Variants in HTR2C observed in about 807,000 individuals in gnomAD.
HTR2C encodes 5-hydroxytryptamine (serotonin) receptor 2C, G protein-coupled.
A neutral mutation model predicts 21.0 loss-of-function variants in HTR2C; 5 were observed. The observed-to-expected ratio is 0.24, with a 90% CI of 0.12 to 0.50. The LOEUF is 0.50. Among genes scored for constraint, HTR2C ranks in the 20% least tolerant of loss-of-function variants. HTR2C has a pLI of 0.98. For missense variants in HTR2C, 271 were observed against 371.2 expected (o/e 0.73, Z 2.22); for synonymous variants, 150 against 145.3 (o/e 1.03, Z -0.23).
chrX:114,645,777 G>A (rs1297960876), intron 2 of HTR2C, among the ~76,000 whole-genome samples: 1 of 111,824 alleles, frequency 8.9e-6, no homozygotes, highest in African/African-American at 3.2e-5. Flanking sequence ...TATGAAAAAA[G>A]ATAAGATATG....
chrX:114,742,113 T>C (rs1556425425), intron 4 of HTR2C, among the ~76,000 whole-genome samples: 1 of 111,589 alleles, frequency 9.0e-6, no homozygotes, highest in Non-Finnish European at 1.9e-5. Context: ...AGAGCTTTGA[T>C]AGTATGAGCA....
intron 2 of HTR2C, among the ~76,000 whole-genome samples, chrX:114,659,829 A>G (rs1439364965): frequency 1.8e-5 from 2 of 111,501 alleles, no homozygotes; most frequent in Non-Finnish European, 3.8e-5. Flanking sequence ...TAATTTCCTC[A>G]TTTTGATCAT....
chrX:114,610,779 T>C (rs1040364836), intron 1 of HTR2C, among the ~76,000 whole-genome samples: 1 of 109,865 alleles, frequency 9.1e-6, no homozygotes, highest in East Asian at 2.8e-4. Context: ...AATCATAAAA[T>C]GTATCTCAAA....
chrX:114,847,577 TAAAGTA>T (rs1157470336), intron 4 of HTR2C, among the ~76,000 whole-genome samples: 5 of 77,588 alleles, frequency 6.4e-5, no homozygotes, highest in Non-Finnish European at 1.3e-4. Flanking sequence ...CCCTAAAACT[TAAAGTA>T]TAATAATAAT....
At chrX:114,830,431 G>A (rs2070711891) in intron 4 of HTR2C, among the ~76,000 whole-genome samples, 1 of 110,693 alleles carries the variant, frequency 9.0e-6, no homozygotes, top group African/African-American at 3.3e-5. Flanking sequence ...TTATTGTCTT[G>A]CCCAATTAGT....
At chrX:114,853,486 T>A (rs2070936213) in intron 5 of HTR2C, among the ~76,000 whole-genome samples, 1 of 111,822 alleles carries the variant, frequency 8.9e-6, no homozygotes, top group Admixed American at 9.5e-5. Context: ...CATTTTTACA[T>A]TTAGACCTCT....
rs192313665 is a variant in HTR2C, at chrX:114,806,184, A to G, written c.350-41819A>G. Among the ~76,000 whole-genome samples the G allele has an allele frequency of 3.1e-3, 314 of 100,275 alleles. 2 individuals carry two copies. In the East Asian group the frequency reaches 0.045, roughly 14 times the overall value. 87.1% of individuals were successfully genotyped at this position (100,275 alleles called of 115,157 possible). A position where few individuals can be genotyped will look rare whatever the true frequency, so the allele number is the denominator to read the frequency against. On this transcript the variant is annotated intron_variant, in intron 4 of 5. Coordinates refer to ENST00000276198, the MANE Select transcript of HTR2C (RefSeq NM_000868.4). ...ATGTATACATATATACACCCTATAT[A>G]TACACCATATATATACCATATATAT...
chrX:114,645,587 TAGAG>T (rs1556407388), intron 2 of HTR2C, among the ~76,000 whole-genome samples: 2 of 111,545 alleles, frequency 1.8e-5, no homozygotes, highest in Non-Finnish European at 3.8e-5. Context: ...TTTAAGAATT[TAGAG>T]TTTAAGGGGA....
At chrX:114,703,625 A>G (rs1301311812) in intron 2 of HTR2C, among the ~76,000 whole-genome samples, 1 of 111,982 alleles carries the variant, frequency 8.9e-6, no homozygotes, top group Non-Finnish European at 1.9e-5. Flanking sequence ...TCCAAACTTG[A>G]CACCCTAACA....
intron 2 of HTR2C, among the ~76,000 whole-genome samples, chrX:114,645,488 AAT>A (rs1491011630): frequency 3.6e-5 from 4 of 110,881 alleles, no homozygotes; most frequent in African/African-American, 1.3e-4. Flanking sequence ...TAATAAAAAA[AAT>A]GAGTAAATGA....
At position 114,761,990 on chromosome X, in the gene HTR2C, C is replaced by CACATATGTG. The variant is rs782126342; in HGVS notation, c.349+30383_349+30384insACATATGTG. Among the ~76,000 whole-genome samples the CACATATGTG allele has an allele frequency of 1.1e-3, 11 of 9,920 alleles. 3 individuals carry two copies. The highest frequency in any genetic ancestry group is 3.7e-3 in the Admixed American group (2 of 545). 8.6% of individuals were successfully genotyped at this position (9,920 alleles called of 115,157 possible). ...ATGTGTATATATACGTGTATATATA[C>CACATATGTG]TATATATACACATATATATAGTATA... On this transcript the variant is annotated intron_variant, in intron 4 of 5. Coordinates refer to ENST00000276198, the MANE Select transcript of HTR2C (RefSeq NM_000868.4).
At chrX:114,824,196 T>C (rs1184687314) in intron 4 of HTR2C, among the ~76,000 whole-genome samples, 1 of 111,489 alleles carries the variant, frequency 9.0e-6, no homozygotes. Context: ...ATTTCAGAGA[T>C]ATAATTTCTG....
rs372975312 is a variant in HTR2C, at chrX:114,715,236, C to T, written c.-79-11622C>T. On this transcript the variant is annotated intron_variant, in intron 2 of 5. Transcript: ENST00000276198. Reference sequence around the variant, plus strand: ...CGAGAAGGAAGAGCTGTTGGAGAGACGAGGAGTTAAGAGTTCATTCGGCTG... The same window carrying T: ...CGAGAAGGAAGAGCTGTTGGAGAGATGAGGAGTTAAGAGTTCATTCGGCTG... 3.3e-4 allele frequency: 121 copies of T among 362,824 alleles called. 1 individual carries two copies. The highest frequency in any genetic ancestry group is 2.4e-3 in the Admixed American group (94 of 38,421). 29.9% of individuals were successfully genotyped at this position (362,824 alleles called of 1,213,427 possible). A position where few individuals can be genotyped will look rare whatever the true frequency, so the allele number is the denominator to read the frequency against.
At chrX:114,878,827 A>G (rs1335432223) in intron 5 of HTR2C, among the ~76,000 whole-genome samples, 1 of 108,660 alleles carries the variant, frequency 9.2e-6, no homozygotes, top group African/African-American at 3.3e-5. Flanking sequence ...ATAATTCCAC[A>G]GTTATAAGGG....
At chrX:114,841,053 A>C (rs1259143391) in intron 4 of HTR2C, among the ~76,000 whole-genome samples, 1 of 111,947 alleles carries the variant, frequency 8.9e-6, no homozygotes, top group Non-Finnish European at 1.9e-5. Context: ...AGAAACCAAA[A>C]ATGTCCAAAG....
At chrX:114,675,370 G>C (rs1408693005) in intron 2 of HTR2C, among the ~76,000 whole-genome samples, 2 of 112,028 alleles carry the variant, frequency 1.8e-5, no homozygotes, top group Non-Finnish European at 3.8e-5. Flanking sequence ...AACTCTTATA[G>C]TAGTACATCC....
intron 4 of HTR2C, among the ~76,000 whole-genome samples, chrX:114,815,692 C>G (rs782375656): frequency 9.0e-6 from 1 of 111,068 alleles, no homozygotes; most frequent in South Asian, 3.7e-4. Context: ...AAGAAATTGG[C>G]AGAGGAGAAA....
At chrX:114,615,801 T>C (rs1928924826) in intron 2 of HTR2C, among the ~76,000 whole-genome samples, 1 of 111,996 alleles carries the variant, frequency 8.9e-6, no homozygotes, top group African/African-American at 3.2e-5. Context: ...CACCCCTCTT[T>C]GTACACACAC....
At chrX:114,605,892 A>T (rs1178377053) in intron 1 of HTR2C, among the ~76,000 whole-genome samples, 1 of 92,724 alleles carries the variant, frequency 1.1e-5, no homozygotes, top group Non-Finnish European at 2.1e-5. Flanking sequence ...CAGAGATAAG[A>T]GGTTGGGGGG....
Sources: gnomAD v4.1 joint callset for allele counts (sites outside exome capture counted in the v4.1 genomes callset) on GRCh38, gnomAD v4.1.1 for gene constraint, MANE v1.5 for transcripts, NCBI Gene and HGNC (gene_info 2026-07-23, HGNC 2026-07-21) for gene names.